The following LOC400499 variants were observed in gnomAD, a reference collection of about 807,000 sequenced individuals.
the LOC400499 span, among the ~76,000 whole-genome samples, chr16:11,410,048 G>A: frequency 6.6e-6 from 1 of 152,206 alleles, no homozygotes; most frequent in South Asian, 2.1e-4. Context: ...AGAGGCTGAG[G>A]CAGGAGGATC....
the LOC400499 span, chr16:11,449,249 C>G: frequency 1.4e-6 from 1 of 711,270 alleles, no homozygotes; most frequent in Non-Finnish European, 2.1e-6. Context: ...GACGCCTAAC[C>G]TGACTGGTGC....
the LOC400499 span, chr16:11,460,543 G>T: frequency 6.5e-7 from 1 of 1,535,618 alleles, no homozygotes; most frequent in Non-Finnish European, 8.7e-7. Flanking sequence ...TGTAGGCACC[G>T]TCTGAGCCAC....
At chr16:11,424,673 G>A in the LOC400499 span, among the ~76,000 whole-genome samples, 6 of 152,280 alleles carry the variant, frequency 3.9e-5, no homozygotes, top group African/African-American at 1.4e-4. Context: ...GGGAAACAGG[G>A]GTCTGATTGT....
chr16:11,396,062 C>A, the LOC400499 span, among the ~76,000 whole-genome samples: 2 of 152,214 alleles, frequency 1.3e-5, no homozygotes, highest in Admixed American at 6.5e-5. Context: ...CAAATACTTA[C>A]GTAGTGGCTG....
chr16:11,508,692 C>T, the LOC400499 span: 1 of 398,926 alleles, frequency 2.5e-6, no homozygotes, highest in Non-Finnish European at 4.4e-6. Flanking sequence ...AAGACTCTGG[C>T]CTGGGGCTGG....
the LOC400499 span, chr16:11,390,170 G>A: frequency 4.1e-6 from 5 of 1,232,406 alleles, no homozygotes; most frequent in Non-Finnish European, 5.1e-6. Context: ...GTGAGAACGT[G>A]GCCTCAGCCC....
the LOC400499 span, among the ~76,000 whole-genome samples, chr16:11,463,494 A>C: frequency 1.3e-5 from 2 of 152,358 alleles, no homozygotes; most frequent in Admixed American, 6.5e-5. Context: ...ATGTGGGTGC[A>C]TACAGATGTA....
the LOC400499 span, chr16:11,385,422 T>G: frequency 0.58 from 709,619 of 1,231,704 alleles, 206,821 homozygotes; most frequent in African/African-American, 0.65. Flanking sequence ...ATGGTCTGGG[T>G]AGAAGCAGCC....
At chr16:11,472,118 A>G in the LOC400499 span, 5 of 289,032 alleles carry the variant, frequency 1.7e-5, no homozygotes, top group East Asian at 5.9e-5. Context: ...CAACAACCAA[A>G]TATTTCTGCA....
chr16:11,393,384 C>T, the LOC400499 span: 1 of 1,232,216 alleles, frequency 8.1e-7, no homozygotes, highest in Non-Finnish European at 1.0e-6. Context: ...ACCCAGCTGC[C>T]ACTCACCCTC....
At chr16:11,378,571 TTTTAA>T in the LOC400499 span, among the ~76,000 whole-genome samples, 1 of 152,190 alleles carries the variant, frequency 6.6e-6, no homozygotes, top group Admixed American at 6.6e-5. Context: ...CCAGCTTCTT[TTTTAA>T]TTTAAGTGTG....
the LOC400499 span, chr16:11,469,071 C>T: frequency 2.5e-6 from 1 of 398,276 alleles, no homozygotes; most frequent in Non-Finnish European, 4.4e-6. Flanking sequence ...AAGGGAAGAT[C>T]CCAGAGGTGG....
the LOC400499 span, among the ~76,000 whole-genome samples, chr16:11,400,632 G>A: frequency 2.0e-5 from 3 of 152,024 alleles, no homozygotes; most frequent in South Asian, 2.1e-4. Context: ...GTAGAGACAG[G>A]ATTTCGCCAT....
chr16:11,448,863 A>G, the LOC400499 span: 1,082,649 of 1,326,462 alleles, frequency 0.82, 442,984 homozygotes, highest in Admixed American at 0.85. Flanking sequence ...AGAGGTAGGA[A>G]ACCGAGGTGA....
At chr16:11,391,963 G>C in the LOC400499 span, 1,907 of 526,836 alleles carry the variant, frequency 3.6e-3, 3 homozygotes, top group Non-Finnish European at 4.7e-3. Context: ...GGTCAGAGGG[G>C]GACCTCTCCA....
chr16:11,448,935 T>TA, the LOC400499 span: 6 of 1,487,256 alleles, frequency 4.0e-6, no homozygotes, highest in Non-Finnish European at 5.4e-6. Flanking sequence ...CAGGTGCCTG[T>TA]AGGCCGCTGT....
chr16:11,470,424 T>C, the LOC400499 span, among the ~76,000 whole-genome samples: 1 of 152,162 alleles, frequency 6.6e-6, no homozygotes, highest in African/African-American at 2.4e-5. Context: ...CACCTGAAAT[T>C]GCACATCTCT....
the LOC400499 span, among the ~76,000 whole-genome samples, chr16:11,525,640 T>C: frequency 8.5e-5 from 13 of 152,160 alleles, no homozygotes; most frequent in African/African-American, 4.8e-5. Flanking sequence ...TCCTGCTTGT[T>C]TGCTCAACAG....
the LOC400499 span, among the ~76,000 whole-genome samples, chr16:11,527,192 C>A: frequency 7.4e-3 from 1,131 of 152,312 alleles, 13 homozygotes; most frequent in African/African-American, 0.024. Flanking sequence ...CTGGGCCAGC[C>A]CCGTGCCACC....
Sources: gnomAD v4.1 joint callset for allele counts (sites outside exome capture counted in the v4.1 genomes callset) on GRCh38, gnomAD v4.1.1 for gene constraint, MANE v1.5 for transcripts.